The following CYP19A1 variants were observed in gnomAD, a reference collection of about 807,000 sequenced individuals.
CYP19A1 encodes the protein cytochrome P450 family 19 subfamily A member 1, also known as aromatase.
CYP19A1 carries 32 observed loss-of-function variants against 44.4 expected under a neutral mutation model. That is an observed-to-expected ratio of 0.72 (90% confidence interval 0.54 to 0.97). The LOEUF (loss-of-function observed/expected upper bound fraction) is 0.97, where lower values mean the gene tolerates loss of function less well. Among genes scored for constraint, CYP19A1 ranks in the 50% least tolerant of loss-of-function variants. The pLI, the probability that CYP19A1 is intolerant of heterozygous loss-of-function variation, is 0.00. For synonymous variants in CYP19A1, 212 were observed against 215.6 expected (o/e 0.98, Z 0.14); for missense variants, 598 against 637.8 (o/e 0.94, Z 0.67).
At chr15:51,269,569 T>C (rs560178673) in intron 1 of CYP19A1, among the ~76,000 whole-genome samples, 1 of 152,266 alleles carries the variant, frequency 6.6e-6, no homozygotes, top group Non-Finnish European at 1.5e-5. Context: ...CTACCACTAC[T>C]ACTACTATTT....
chr15:51,266,947 C>A (rs1417306123), intron 1 of CYP19A1, among the ~76,000 whole-genome samples: 1 of 152,134 alleles, frequency 6.6e-6, no homozygotes, highest in African/African-American at 2.4e-5. Flanking sequence ...ACTTTTTTCA[C>A]CAAATTGAGA....
At chr15:51,233,734 CT>C (rs1446294482) in intron 3 of CYP19A1, among the ~76,000 whole-genome samples, 1 of 152,114 alleles carries the variant, frequency 6.6e-6, no homozygotes, top group Non-Finnish European at 1.5e-5. Flanking sequence ...GCTAATTTCC[CT>C]TTATGAGTGA....
At chr15:51,251,141 AGCCTCCGGAGC>A (rs1426700529) in intron 1 of CYP19A1, among the ~76,000 whole-genome samples, 1 of 152,142 alleles carries the variant, frequency 6.6e-6, no homozygotes, top group African/African-American at 2.4e-5. Flanking sequence ...GCGAAAGGGA[AGCCTCCGGAGC>A]CAAGTGCCAG....
At chr15:51,215,615 T>A (rs1595671114) in intron 7 of CYP19A1, 88 bp downstream of exon 7, 1 of 1,609,794 alleles carries the variant, frequency 6.2e-7, no homozygotes, top group Non-Finnish European at 8.5e-7. Flanking sequence ...AGCAGAAATA[T>A]GCAACAGTTA....
Position 51,214,920 on chromosome 15 carries a change from G to A in CYP19A1, c.1021+150C>T, listed in dbSNP as rs2031415422. On this transcript the variant is annotated intron_variant, in intron 8 of 9. Transcript: ENST00000396402. Reference sequence around the variant, plus strand: ...AAGAGCTATCTTTTCCGTCTATCTGGTGTAATCAAATGTGACAGAATGTCT... The same window carrying A: ...AAGAGCTATCTTTTCCGTCTATCTGATGTAATCAAATGTGACAGAATGTCT... 5 of 1,228,590 alleles carry A rather than the reference G, an allele frequency of 4.1e-6. No homozygotes were observed. In the South Asian group the frequency reaches 7.8e-5, roughly 19 times the overall value. 76.1% of individuals were successfully genotyped at this position (1,228,590 alleles called of 1,614,324 possible). A position where few individuals can be genotyped will look rare whatever the true frequency, so the allele number is the denominator to read the frequency against.
In CYP19A1 at chr15:51,225,430, T is replaced by A. The variant is rs2032490389; in HGVS notation, c.451+2349A>T. Among the ~76,000 whole-genome samples the A allele has an allele frequency of 2.0e-5, 3 of 152,202 alleles. No homozygotes were observed. In the South Asian group the frequency reaches 6.2e-4, roughly 31 times the overall value. On this transcript the variant is annotated intron_variant, in intron 4 of 9. Transcript: ENST00000396402. The stretch of plus-strand genomic sequence containing the variant: ...CTTATAGCATTATTTCATTTGTTCT[T>A]CACAACAGCCCTAGAGTGCAAGTTT...
In CYP19A1 at chr15:51,237,023, C is replaced by G; in HGVS notation, c.146-14G>C. 6.2e-7 allele frequency: 1 copy of G among 1,614,050 alleles called. No individual in the cohort carries two copies. Among genetic ancestry groups the G allele is most frequent in the Non-Finnish European group, 8.5e-7 (1 of 1,179,960 alleles). On this transcript the variant is annotated splice_polypyrimidine_tract_variant and intron_variant, in intron 2 of 9. Coordinates refer to ENST00000396402, the MANE Select transcript of CYP19A1 (RefSeq NM_000103.4). ...AGTAGCCAGGACCTAGGACAGGTGT[C>G]AGAGCATAAGCAACATCTTAGTTAC...
intron 1 of CYP19A1, among the ~76,000 whole-genome samples, chr15:51,267,551 G>T (rs1463135329): frequency 2.0e-5 from 3 of 152,178 alleles, no homozygotes; most frequent in Non-Finnish European, 2.9e-5. Context: ...GTCCGTGGCC[G>T]GCCACTGCCC....
At chr15:51,263,082 G>A (rs1220716644) in intron 1 of CYP19A1, among the ~76,000 whole-genome samples, 1 of 152,090 alleles carries the variant, frequency 6.6e-6, no homozygotes, top group African/African-American at 2.4e-5. Flanking sequence ...GGCAGAATAT[G>A]TTGTGATATG....
intron 2 of CYP19A1, among the ~76,000 whole-genome samples, chr15:51,241,664 C>G (rs2033777101): frequency 6.6e-6 from 1 of 152,144 alleles, no homozygotes; most frequent in Non-Finnish European, 1.5e-5. Flanking sequence ...AGTTAAAGAC[C>G]ATGAAACAGT....
In CYP19A1 at chr15:51,231,868, C is replaced by G. The variant is rs143988013; in HGVS notation, c.297-3935G>C. On this transcript the variant is annotated intron_variant, in intron 3 of 9. Coordinates refer to ENST00000396402, the MANE Select transcript of CYP19A1 (RefSeq NM_000103.4). ...AGAATCTCCACAATCCCCAACGACC[C>G]GGACCTGTGCCCATATATTCCACCT... is the stretch of plus-strand genomic sequence containing the variant. Among the ~76,000 whole-genome samples, 3 of 152,046 alleles carry G rather than the reference C, an allele frequency of 2.0e-5. No homozygotes were observed. The East Asian group carries it at 5.8e-4, about 29-fold the overall frequency.
At chr15:51,258,088 T>C (rs1238546804) in intron 1 of CYP19A1, among the ~76,000 whole-genome samples, 2 of 152,132 alleles carry the variant, frequency 1.3e-5, no homozygotes, top group Non-Finnish European at 2.9e-5. Flanking sequence ...AGGGATTGAG[T>C]GGTAAAACAG....
chr15:51,222,073 C>T, intron 5 of CYP19A1: 1 of 587,928 alleles, frequency 1.7e-6, no homozygotes, highest in South Asian at 2.3e-5. Flanking sequence ...GAACTAATCA[C>T]ATTTGTTAAG....
intron 1 of CYP19A1, chr15:51,316,112 T>C (rs113149342): frequency 1.5e-4 from 23 of 152,352 alleles, no homozygotes; most frequent in African/African-American, 5.1e-4. Context: ...TGGAGTTCAG[T>C]TTCCTCAGTA....
chr15:51,249,193 G>T (rs2034202359), intron 1 of CYP19A1, among the ~76,000 whole-genome samples: 2 of 152,052 alleles, frequency 1.3e-5, no homozygotes. Flanking sequence ...CACCTGCCAT[G>T]GCCTCCCAAA....
intron 1 of CYP19A1, among the ~76,000 whole-genome samples, chr15:51,310,728 G>A (rs904342568): frequency 2.0e-5 from 3 of 152,146 alleles, no homozygotes; most frequent in Non-Finnish European, 2.9e-5. Flanking sequence ...CATCATCAGC[G>A]GCTCCAGCTC....
intron 1 of CYP19A1, among the ~76,000 whole-genome samples, chr15:51,273,615 C>T (rs1014885670): frequency 6.6e-6 from 1 of 152,104 alleles, no homozygotes; most frequent in Non-Finnish European, 1.5e-5. Context: ...AGCTGCACAG[C>T]CCTTGGGAAA....
At chr15:51,227,133 T>A (rs930538135) in intron 4 of CYP19A1, among the ~76,000 whole-genome samples, 2 of 152,116 alleles carry the variant, frequency 1.3e-5, no homozygotes, top group African/African-American at 4.8e-5. Context: ...GCTTTGCACA[T>A]CAATAAGAAG....
chr15:51,247,039 G>C (rs995409143), intron 1 of CYP19A1, among the ~76,000 whole-genome samples: 1 of 152,150 alleles, frequency 6.6e-6, no homozygotes, highest in African/African-American at 2.4e-5. Context: ...CCCTGTCTAT[G>C]TTTGTTCTTG....
Sources: allele counts gnomAD v4.1 joint callset (sites outside exome capture counted in the v4.1 genomes callset), GRCh38; gene constraint gnomAD v4.1.1; transcripts MANE v1.5; gene names NCBI Gene and HGNC (gene_info 2026-07-23, HGNC 2026-07-21).